The following MSRB3 variants were observed in gnomAD, a reference collection of about 807,000 sequenced individuals.
MSRB3 encodes methionine sulfoxide reductase B3, also known as methionine-R-sulfoxide reductase B3.
Under a neutral mutation model 21.0 loss-of-function variants are expected in MSRB3, and 13 were observed. The observed-to-expected ratio is 0.62, with a 90% confidence interval of 0.40 to 0.98. MSRB3 has a LOEUF of 0.98. MSRB3 is among the 50% of genes least tolerant of loss of function. The probability of loss-of-function intolerance (pLI) is 0.00; values close to 1 mark genes in which losing one functional copy is unlikely to be tolerated. For missense variants in MSRB3, 199 were observed against 230.3 expected (o/e 0.86, Z 0.88); for synonymous variants, 87 against 88.6 (o/e 0.98, Z 0.10).
At chr12:65,392,967 G>C (rs1213676903) in intron 5 of MSRB3, among the ~76,000 whole-genome samples, 2 of 151,888 alleles carry the variant, frequency 1.3e-5, no homozygotes, top group Non-Finnish European at 2.9e-5. Flanking sequence ...CACAATATTT[G>C]AGGATTACAA....
chr12:65,453,507 T>C (rs551823771), intron 5 of MSRB3, among the ~76,000 whole-genome samples: 1 of 152,318 alleles, frequency 6.6e-6, no homozygotes, highest in African/African-American at 2.4e-5. Context: ...CACCAAACCC[T>C]AATGCAACTG....
At chr12:65,341,564 A>T (rs937218061) in intron 4 of MSRB3, among the ~76,000 whole-genome samples, 2 of 151,886 alleles carry the variant, frequency 1.3e-5, no homozygotes, top group African/African-American at 4.8e-5. Context: ...AAACTAAAAG[A>T]GTATAATTGG....
chr12:65,457,280 T>A (rs952941844), intron 6 of MSRB3, among the ~76,000 whole-genome samples: 1 of 152,176 alleles, frequency 6.6e-6, no homozygotes, highest in Admixed American at 6.6e-5. Flanking sequence ...TGCAGGTTTG[T>A]TACATAGGTA....
At chr12:65,380,929 T>C (rs187105282) in intron 5 of MSRB3, among the ~76,000 whole-genome samples, 1 of 152,312 alleles carries the variant, frequency 6.6e-6, no homozygotes, top group African/African-American at 2.4e-5. Flanking sequence ...TTTTTAGTCA[T>C]ACACCCTATT....
At chr12:65,461,638 G>C (rs772960771) in intron 6 of MSRB3, among the ~76,000 whole-genome samples, 7 of 152,150 alleles carry the variant, frequency 4.6e-5, no homozygotes, top group African/African-American at 7.2e-5. Context: ...TAAGATTCTA[G>C]TGCTTTTCAT....
intron 5 of MSRB3, among the ~76,000 whole-genome samples, chr12:65,406,803 T>C (rs1234164183): frequency 1.3e-5 from 2 of 152,154 alleles, no homozygotes; most frequent in Non-Finnish European, 2.9e-5. Context: ...AGCTCTGCCT[T>C]CAAGTGTAGG....
At chr12:65,460,301 G>C (rs1166505756) in intron 6 of MSRB3, among the ~76,000 whole-genome samples, 1 of 152,228 alleles carries the variant, frequency 6.6e-6, no homozygotes, top group African/African-American at 2.4e-5. Context: ...GCTTTCCCAA[G>C]GCTAGAAGCT....
intron 5 of MSRB3, among the ~76,000 whole-genome samples, chr12:65,369,882 A>G (rs1592572438): frequency 1.3e-5 from 2 of 152,306 alleles, no homozygotes; most frequent in African/African-American, 2.4e-5. Context: ...GTTTCACTAT[A>G]TGGTAACTTT....
At chr12:65,350,868 C>G (rs1311717334) in intron 4 of MSRB3, among the ~76,000 whole-genome samples, 1 of 146,764 alleles carries the variant, frequency 6.8e-6, no homozygotes, top group African/African-American at 2.7e-5. Context: ...TAATGGGAGA[C>G]TTTAACACCC....
At chr12:65,368,140 A>G (rs1433799294) in intron 4 of MSRB3, among the ~76,000 whole-genome samples, 3 of 152,080 alleles carry the variant, frequency 2.0e-5, no homozygotes, top group African/African-American at 7.2e-5. Context: ...CTCCTTTCCC[A>G]CTTAGTTAAC....
chr12:65,422,189 A>G (rs1351556936), intron 5 of MSRB3, among the ~76,000 whole-genome samples: 1 of 151,886 alleles, frequency 6.6e-6, no homozygotes, highest in Non-Finnish European at 1.5e-5. Flanking sequence ...TATTCCAAAT[A>G]TATATGCACC....
At chr12:65,391,691 A>G (rs1879490345) in intron 5 of MSRB3, among the ~76,000 whole-genome samples, 1 of 152,232 alleles carries the variant, frequency 6.6e-6, no homozygotes, top group Non-Finnish European at 1.5e-5. Flanking sequence ...ACATTTTACT[A>G]TAGAAACAAC....
At chr12:65,285,667 A>G (rs1027124540) in intron 1 of MSRB3, 2 of 152,182 alleles carry the variant, frequency 1.3e-5, no homozygotes, top group Non-Finnish European at 2.9e-5. Flanking sequence ...AAAAACTACA[A>G]AAATTAGCTG....
Position 65,457,227 on chromosome 12 carries a change from A to G in MSRB3, c.390+3402A>G, listed in dbSNP as rs116627918. ...CCCGTTTATTTTATTTTATTTTATT[A>G]TTTTTTATTATGCTTTAAGTTCTGG... On this transcript the variant is annotated intron_variant, in intron 6 of 6. Coordinates refer to ENST00000308259, the MANE Select transcript of MSRB3 (RefSeq NM_001031679.3). Among the ~76,000 whole-genome samples, 376 of 151,658 alleles carry G rather than the reference A, an allele frequency of 2.5e-3. 1 individual carries two copies. The highest frequency in any genetic ancestry group is 8.3e-3 in the African/African-American group (344 of 41,332).
At position 65,376,245 on chromosome 12, in the gene MSRB3, G is replaced by A. The variant is rs1244740145; in HGVS notation, c.292+7219G>A. On this transcript the variant is annotated intron_variant, in intron 5 of 6. Transcript: ENST00000308259. ...CGCCATTCTCCTGCCTCAGCCTCCC[G>A]AGTAGCTGGGACTACAGGCGCCCAC... 7.5e-4 allele frequency among the ~76,000 whole-genome samples: 113 copies of A among 150,618 alleles called. 1 individual carries two copies. Among genetic ancestry groups the A allele is most frequent in the African/African-American group, 1.3e-3 (55 of 41,036 alleles).
chr12:65,353,144 A>T (rs1368676252), intron 4 of MSRB3, among the ~76,000 whole-genome samples: 1 of 152,128 alleles, frequency 6.6e-6, no homozygotes, highest in African/African-American at 2.4e-5. Flanking sequence ...TTTGCTTCCA[A>T]CTATGTGGTC....
intron 5 of MSRB3, among the ~76,000 whole-genome samples, chr12:65,380,613 A>G (rs1021521737): frequency 2.0e-5 from 3 of 152,124 alleles, no homozygotes; most frequent in Non-Finnish European, 4.4e-5. Context: ...TGTGGCCAAT[A>G]ATAATAACGA....
In MSRB3 at chr12:65,464,781, T is replaced by A. The variant is rs1461882291; in HGVS notation, c.*1459T>A. Reference sequence around the variant, plus strand: ...CAGAATCCAAGTGGGGTGGCCCTTGTGCACAGAGCTCCAGGTGACCTCTGG... The same window carrying A: ...CAGAATCCAAGTGGGGTGGCCCTTGAGCACAGAGCTCCAGGTGACCTCTGG... On this transcript the variant is annotated 3_prime_UTR_variant, in exon 7 of 7. Coordinates refer to ENST00000308259, the MANE Select transcript of MSRB3 (RefSeq NM_001031679.3). 1 of 152,228 alleles carries A rather than the reference T, an allele frequency of 6.6e-6. No individual in the cohort carries two copies. The highest frequency in any genetic ancestry group is 1.5e-5 in the Non-Finnish European group (1 of 68,056). The allele number at this position is 152,228 out of a possible 1,614,324, so 9.4% of individuals were successfully genotyped here.
At chr12:65,418,576 A>G (rs1029705986) in intron 5 of MSRB3, among the ~76,000 whole-genome samples, 5 of 151,646 alleles carry the variant, frequency 3.3e-5, no homozygotes, top group South Asian at 2.1e-4. Flanking sequence ...GATCAATGTC[A>G]TGGAGCTTTT....
Sources: gnomAD v4.1 joint callset for allele counts (sites outside exome capture counted in the v4.1 genomes callset) on GRCh38, gnomAD v4.1.1 for gene constraint, MANE v1.5 for transcripts, NCBI Gene and HGNC (gene_info 2026-07-23, HGNC 2026-07-21) for gene names.